DHX35: variants seen among roughly 807,000 people sequenced by gnomAD.
DHX35 encodes the protein DEAH-box helicase 35, also known as probable ATP-dependent RNA helicase DHX35.
Under a neutral mutation model 99.6 loss-of-function variants are expected in DHX35, and 84 were observed. That is an observed-to-expected ratio of 0.84 (90% confidence interval 0.71 to 1.01). The LOEUF (loss-of-function observed/expected upper bound fraction) is 1.01, where lower values mean the gene tolerates loss of function less well. Ranked by LOEUF, DHX35 falls within the 50% of genes least tolerant of loss-of-function variation. The pLI is 0.00. For missense variants in DHX35, 852 were observed against 888.5 expected (o/e 0.96, Z 0.52); for synonymous variants, 331 against 316.2 (o/e 1.05, Z -0.50).
Position 38,994,833 on chromosome 20 carries a change from C to G in DHX35, c.595C>G (p.Arg199Gly), listed in dbSNP as rs769370949. The change falls in exon 8 of 22, where the codon CGA becomes GGA. Residue 199 changes from arginine to glycine, a missense_variant. Transcript: ENST00000252011. ...IGLLKKIQKK[R>G]GDLRLIVASA... ...TCTTCTTTTTTAGATTCAGAAAAAG[C>G]GAGGGGATCTTCGATTGATTGTAGC... 6.2e-7 allele frequency: 1 copy of G among 1,613,308 alleles called. No homozygotes were observed. The highest frequency in any genetic ancestry group is 1.1e-5 in the South Asian group (1 of 91,026).
At chr20:39,024,020 C>T (rs535224344) in intron 17 of DHX35, among the ~76,000 whole-genome samples, 55 of 152,322 alleles carry the variant, frequency 3.6e-4, no homozygotes, top group Non-Finnish European at 7.5e-4. Context: ...ACACTAGTGG[C>T]AGGCCAGTGG....
In DHX35 at chr20:39,030,456, A is replaced by T. The variant is rs74431265; in HGVS notation, c.1884-248A>T. On this transcript the variant is annotated intron_variant, in intron 19 of 21. Coordinates refer to ENST00000252011, the MANE Select transcript of DHX35 (RefSeq NM_021931.4). Reference sequence around the variant, plus strand: ...ACATAGGCAGAGCATTTTATTCCTAAATGTTTTTTCTAAGTGTCCGCGTGT... The same window carrying T: ...ACATAGGCAGAGCATTTTATTCCTATATGTTTTTTCTAAGTGTCCGCGTGT... 1,426 of 504,832 alleles carry T rather than the reference A, an allele frequency of 2.8e-3. 15 individuals carry two copies. The highest frequency in any genetic ancestry group is 0.019 in the African/African-American group (970 of 52,054). The allele number at this position is 504,832 out of a possible 1,614,324, so 31.3% of individuals were successfully genotyped here. A position where few individuals can be genotyped will look rare whatever the true frequency, so the allele number is the denominator to read the frequency against.
intron 3 of DHX35, chr20:38,978,253 A>G: frequency 1.3e-6 from 1 of 798,470 alleles, no homozygotes. Flanking sequence ...AACAATGTGC[A>G]ATTCATCCTT....
At chr20:38,984,636 G>C (rs1442140054) in intron 4 of DHX35, among the ~76,000 whole-genome samples, 2 of 152,250 alleles carry the variant, frequency 1.3e-5, no homozygotes, top group East Asian at 3.9e-4. Context: ...ATAGTTTCCT[G>C]TTATGAAAGA....
chr20:38,970,328 T>C (rs993198230), intron 2 of DHX35, among the ~76,000 whole-genome samples: 1 of 152,206 alleles, frequency 6.6e-6, no homozygotes, highest in African/African-American at 2.4e-5. Context: ...CCTTCTTAAT[T>C]TAGCCAGATT....
chr20:38,974,762 G>A (rs1024909417), intron 3 of DHX35, among the ~76,000 whole-genome samples: 12 of 152,172 alleles, frequency 7.9e-5, no homozygotes, highest in African/African-American at 2.9e-4. Flanking sequence ...CAGGAGTCAG[G>A]AGCAGAAAGG....
At chr20:39,013,916 TTTAACTTTGG>T (rs1050188603) in intron 13 of DHX35, among the ~76,000 whole-genome samples, 1 of 152,202 alleles carries the variant, frequency 6.6e-6, no homozygotes, top group Non-Finnish European at 1.5e-5. Flanking sequence ...TTTAAAAAAG[TTTAACTTTGG>T]TCTTTGGCAA....
In DHX35 at chr20:39,006,240, A is replaced by G. The variant is rs766377118; in HGVS notation, c.1106A>G (p.Asn369Ser). ...DCGFVKLRAY[N>S]PRTAIECLVV... ...GGCTTTGTGAAACTCCGAGCCTACA[A>G]TCCCAGGACAGCTATTGAATGCTTG... The change falls in exon 12 of 22, where the codon AAT becomes AGT. Residue 369 changes from asparagine (N) to serine (S), a missense_variant. Physicochemically the swap from Asn to Ser is conservative, Grantham distance 46. Transcript: ENST00000252011. 4 of 1,614,152 alleles carry G rather than the reference A, an allele frequency of 2.5e-6. No individual in the cohort carries two copies. The South Asian group carries it at 3.3e-5, about 13-fold the overall frequency.
At chr20:38,992,573 G>T in intron 7 of DHX35, 148 bp downstream of exon 7, 2 of 726,680 alleles carry the variant, frequency 2.8e-6, no homozygotes, top group Non-Finnish European at 4.7e-6. Context: ...GAATATCAGT[G>T]GTAGAATGTT....
intron 16 of DHX35, among the ~76,000 whole-genome samples, chr20:39,022,379 G>A (rs1258467642): frequency 6.6e-6 from 1 of 152,052 alleles, no homozygotes; most frequent in Non-Finnish European, 1.5e-5. Flanking sequence ...GGCCGGTCTC[G>A]AACTCCTGAC....
At chr20:39,023,811 C>T (rs775500444) in intron 17 of DHX35, 44 bp downstream of exon 17, 3 of 1,499,884 alleles carry the variant, frequency 2.0e-6, no homozygotes, top group Non-Finnish European at 2.8e-6. Context: ...ACACACCACC[C>T]TCTGGAGGTG....
intron 19 of DHX35, chr20:39,029,558 G>A (rs1472859830): frequency 6.6e-6 from 1 of 151,754 alleles, no homozygotes; most frequent in Non-Finnish European, 1.5e-5. Flanking sequence ...CATTGTATGA[G>A]CTCACCTCCC....
chr20:38,982,233 A>G (rs1334504210), intron 3 of DHX35, among the ~76,000 whole-genome samples: 1 of 152,190 alleles, frequency 6.6e-6, no homozygotes, highest in East Asian at 1.9e-4. Flanking sequence ...TATCATCTAC[A>G]GTATATTTGT....
At chr20:38,983,857 A>G in intron 4 of DHX35, 81 bp downstream of exon 4, 1 of 1,274,482 alleles carries the variant, frequency 7.8e-7, no homozygotes, top group Non-Finnish European at 1.1e-6. Flanking sequence ...AAGGCTTTAA[A>G]TGAATAGAAG....
chr20:38,985,465 C>A (rs2086236460), intron 4 of DHX35, among the ~76,000 whole-genome samples: 1 of 151,332 alleles, frequency 6.6e-6, no homozygotes, highest in Admixed American at 6.6e-5. Flanking sequence ...ATTCTATTTC[C>A]CCAAGTTATT....
chr20:38,994,086 A>G (rs911844688), intron 7 of DHX35, among the ~76,000 whole-genome samples: 1 of 152,086 alleles, frequency 6.6e-6, no homozygotes, highest in Non-Finnish European at 1.5e-5. Flanking sequence ...AGTCTGTATT[A>G]GTTGTTATTA....
chr20:39,017,991 G>A (rs1407955911), intron 14 of DHX35, among the ~76,000 whole-genome samples: 2 of 152,194 alleles, frequency 1.3e-5, no homozygotes, highest in East Asian at 3.9e-4. Context: ...GAAGAGCAAA[G>A]GCATGTCTTA....
At chr20:39,016,393 T>G (rs2086785956) in intron 14 of DHX35, among the ~76,000 whole-genome samples, 1 of 152,212 alleles carries the variant, frequency 6.6e-6, no homozygotes, top group Non-Finnish European at 1.5e-5. Context: ...GGGGACAAAC[T>G]ACATCCAAAC....
intron 12 of DHX35, among the ~76,000 whole-genome samples, chr20:39,007,755 G>A (rs2086642164): frequency 6.6e-6 from 1 of 152,194 alleles, no homozygotes; most frequent in South Asian, 2.1e-4. Context: ...GGAATAGGCA[G>A]AACCCAGGGC....
Sources: allele counts gnomAD v4.1 joint callset (sites outside exome capture counted in the v4.1 genomes callset), GRCh38; gene constraint gnomAD v4.1.1; transcripts MANE v1.5; gene names NCBI Gene and HGNC (gene_info 2026-07-23, HGNC 2026-07-21).